The following FMN1 variants were observed in gnomAD, a reference collection of about 807,000 sequenced individuals.
The protein encoded by FMN1 is formin-1.
In FMN1, 110 loss-of-function variants were observed where a neutral mutation model predicts 132.4. The ratio of observed to expected loss-of-function variants is 0.83; its 90% CI spans 0.71 to 0.97. The LOEUF is 0.97. Among genes scored for constraint, FMN1 ranks in the 50% least tolerant of loss-of-function variants. FMN1 has a pLI of 0.00. For missense variants in FMN1, 1,792 were observed against 1,705.3 expected, an observed-to-expected ratio of 1.05 and a Z score of -0.90; for synonymous variants, 722 against 651.7, an observed-to-expected ratio of 1.11 and a Z score of -1.64.
intron 4 of FMN1, among the ~76,000 whole-genome samples, chr15:33,120,563 T>A (rs1470434301): frequency 6.6e-6 from 1 of 152,140 alleles, no homozygotes; most frequent in Non-Finnish European, 1.5e-5. Flanking sequence ...AGATTACTAT[T>A]TTTTTATGTG....
At chr15:32,783,019 G>A (rs2056719094) in intron 19 of FMN1, among the ~76,000 whole-genome samples, 1 of 151,976 alleles carries the variant, frequency 6.6e-6, no homozygotes, top group African/African-American at 2.4e-5. Flanking sequence ...AGACAGTGAG[G>A]GTCAACAAAT....
At chr15:33,015,013 C>T (rs1233886234) in intron 6 of FMN1, among the ~76,000 whole-genome samples, 1 of 152,200 alleles carries the variant, frequency 6.6e-6, no homozygotes, top group African/African-American at 2.4e-5. Context: ...AAGGTAGACC[C>T]TATCATATCG....
intron 7 of FMN1, among the ~76,000 whole-genome samples, chr15:32,981,287 T>C (rs1229769672): frequency 2.0e-5 from 3 of 151,724 alleles, no homozygotes; most frequent in Non-Finnish European, 4.4e-5. Flanking sequence ...GTCAGGAGAT[T>C]GAGACCATCC....
chr15:32,957,391 A>C (rs989801576), intron 9 of FMN1, among the ~76,000 whole-genome samples: 2 of 142,894 alleles, frequency 1.4e-5, no homozygotes, highest in African/African-American at 5.2e-5. Context: ...CAAGGTGCTG[A>C]CCTACCTTGC....
chr15:32,951,145 C>T (rs68097867), intron 9 of FMN1, among the ~76,000 whole-genome samples: 26,867 of 152,024 alleles, frequency 0.18, 2,551 homozygotes, highest in Non-Finnish European at 0.22. Flanking sequence ...TTACCAAAAT[C>T]GGTCATTCTA....
chr15:33,120,202 T>G (rs1404598681), intron 4 of FMN1, among the ~76,000 whole-genome samples: 1 of 152,220 alleles, frequency 6.6e-6, no homozygotes, highest in Non-Finnish European at 1.5e-5. Context: ...AGAAATAATC[T>G]GTTCTTTTGC....
At chr15:32,900,843 C>T (rs1225734446) in intron 13 of FMN1, among the ~76,000 whole-genome samples, 1 of 151,848 alleles carries the variant, frequency 6.6e-6, no homozygotes, top group Non-Finnish European at 1.5e-5. Context: ...ACATTTTATC[C>T]CCCTTTATTT....
At chr15:32,847,278 GTGTGTGTGTA>G (rs1323996531) in intron 17 of FMN1, among the ~76,000 whole-genome samples, 3 of 95,726 alleles carry the variant, frequency 3.1e-5, no homozygotes, top group South Asian at 3.8e-4. Flanking sequence ...GTAGGGGTGT[GTGTGTGTGTA>G]TGTGTGTGTG....
rs1964602312 is a variant in FMN1 at position 33,154,705 on chromosome 15, T to C, written c.210A>G (p.Pro70=). The C allele has an allele frequency of 1.3e-6, 2 of 1,536,012 alleles. No homozygotes were observed. Among genetic ancestry groups the C allele is most frequent in the Admixed American group, 2.0e-5 (1 of 50,982 alleles). Residue 70 remains proline, a synonymous_variant, in exon 4 of 21, where the codon CCA becomes CCG. Coordinates refer to ENST00000616417, the MANE Select transcript of FMN1 (RefSeq NM_001277313.2). ...ISLSQEPDEH[P]GDIFFKQTPT... ...GAGTCTGCTTGAAAAATATGTCGCC[T>C]GGATGTTCGTCCGGCTCCTGGCTGA...
At chr15:32,977,642 G>C (rs2140736326) in intron 7 of FMN1, among the ~76,000 whole-genome samples, 1 of 152,212 alleles carries the variant, frequency 6.6e-6, no homozygotes, top group South Asian at 2.1e-4. Context: ...TAAAACATTA[G>C]TAATTTCCAC....
At chr15:32,918,925 A>G (rs555856238) in intron 10 of FMN1, among the ~76,000 whole-genome samples, 3 of 152,324 alleles carry the variant, frequency 2.0e-5, no homozygotes, top group Non-Finnish European at 4.4e-5. Context: ...GGTGTTTTAG[A>G]CACAGCAGGA....
chr15:33,113,474 G>A (rs541426145), intron 4 of FMN1, among the ~76,000 whole-genome samples: 268 of 151,982 alleles, frequency 1.8e-3, no homozygotes, highest in Middle Eastern at 3.4e-3. Flanking sequence ...GTGAACATAG[G>A]GTACGATATA....
At chr15:32,924,764 A>T (rs1472651134) in intron 10 of FMN1, among the ~76,000 whole-genome samples, 1 of 152,220 alleles carries the variant, frequency 6.6e-6, no homozygotes, top group African/African-American at 2.4e-5. Context: ...TACTTAAAAA[A>T]TTAGCTGTAT....
rs367702622 is a variant in FMN1 at position 32,839,248 on chromosome 15, A to G, written c.3928+17767T>C. On this transcript the variant is annotated intron_variant, in intron 17 of 20. Transcript: ENST00000616417. The stretch of plus-strand genomic sequence containing the variant: ...CCCACCCACTCCCAGCAGAACTGGA[A>G]CCCCTCTCCCTGAGGACAGGACATT... Among the ~76,000 whole-genome samples the G allele has an allele frequency of 3.5e-4, 53 of 152,104 alleles. 1 individual carries two copies. In the East Asian group the frequency reaches 6.0e-3, roughly 17 times the overall value.
intron 9 of FMN1, among the ~76,000 whole-genome samples, chr15:32,957,785 A>C (rs1017700973): frequency 4.6e-5 from 7 of 152,198 alleles, no homozygotes; most frequent in African/African-American, 1.7e-4. Context: ...TGTTATTCCC[A>C]ATTTCGTAGA....
chr15:32,899,033 C>A (rs951056497), intron 14 of FMN1, 140 bp from the exon 15 acceptor site: 1 of 619,948 alleles, frequency 1.6e-6, no homozygotes, highest in East Asian at 2.7e-5. Context: ...GGTTTTCCTT[C>A]CTCTGCTTTA....
chr15:32,804,539 G>A (rs1346792409), intron 17 of FMN1, among the ~76,000 whole-genome samples: 16 of 139,480 alleles, frequency 1.1e-4, no homozygotes, highest in African/African-American at 4.0e-4. Flanking sequence ...ATTATACTAA[G>A]TTCTAGGGTA....
chr15:33,189,009 C>A (rs559570041), intron 2 of FMN1, among the ~76,000 whole-genome samples: 1 of 152,050 alleles, frequency 6.6e-6, no homozygotes, highest in African/African-American at 2.4e-5. Flanking sequence ...TTTGTTTCAA[C>A]CTACCACAGT....
chr15:32,791,336 T>C (rs2057069504), intron 19 of FMN1, among the ~76,000 whole-genome samples: 1 of 150,144 alleles, frequency 6.7e-6, no homozygotes, highest in South Asian at 2.1e-4. Context: ...TCATTTACTC[T>C]CTCATGCTTA....
Sources: allele counts gnomAD v4.1 joint callset (sites outside exome capture counted in the v4.1 genomes callset), GRCh38; gene constraint gnomAD v4.1.1; transcripts MANE v1.5; gene names NCBI Gene and HGNC (gene_info 2026-07-23, HGNC 2026-07-21).